TMEM132D: variants seen among roughly 807,000 people sequenced by gnomAD.
TMEM132D encodes the protein mature OL transmembrane protein.
In TMEM132D, 21 loss-of-function variants were observed where a neutral mutation model predicts 62.3. That is an observed-to-expected ratio of 0.34 (90% CI 0.24 to 0.49). The LOEUF is 0.49. TMEM132D is among the 20% of genes least tolerant of loss of function. The pLI, the probability that TMEM132D is intolerant of heterozygous loss-of-function variation, is 0.99. For missense variants in TMEM132D, 1,346 were observed against 1,402.8 expected (o/e 0.96, Z 0.65); for synonymous variants, 621 against 575.6 (o/e 1.08, Z -1.13).
chr12:129,189,821 G>C (rs907865320), intron 5 of TMEM132D, among the ~76,000 whole-genome samples: 12 of 152,164 alleles, frequency 7.9e-5, no homozygotes, highest in Non-Finnish European at 1.8e-4. Flanking sequence ...CATCCCTGCA[G>C]ACTGTGAATG....
At chr12:129,551,282 T>G (rs1407525085) in intron 2 of TMEM132D, among the ~76,000 whole-genome samples, 3 of 152,236 alleles carry the variant, frequency 2.0e-5, no homozygotes, top group Non-Finnish European at 4.4e-5. Context: ...GCATTAAGTT[T>G]GTGTGCTTTG....
At chr12:129,675,371 CG>C (rs1189864773) in intron 2 of TMEM132D, among the ~76,000 whole-genome samples, 4 of 77,678 alleles carry the variant, frequency 5.1e-5, no homozygotes, top group African/African-American at 1.5e-4. Flanking sequence ...CGGGGCCTGT[CG>C]GGGGGTGGGG....
rs143553993 is a variant in TMEM132D at position 129,604,615 on chromosome 12, G to T, written c.969-73410C>A. 1.4e-3 allele frequency among the ~76,000 whole-genome samples: 216 copies of T among 152,252 alleles called. 1 individual carries two copies. Among genetic ancestry groups the T allele is most frequent in the African/African-American group, 4.7e-3 (194 of 41,550 alleles). ...CCCAACTTTCCAGCCTCTGGTAATT[G>T]TTTTCAGTTGAATTAGAGAAGAAAA... On this transcript the variant is annotated intron_variant, in intron 2 of 8. Coordinates refer to ENST00000422113, the MANE Select transcript of TMEM132D (RefSeq NM_133448.3).
intron 5 of TMEM132D, among the ~76,000 whole-genome samples, chr12:129,200,019 G>T (rs747730031): frequency 6.6e-6 from 1 of 152,142 alleles, no homozygotes; most frequent in Non-Finnish European, 1.5e-5. Flanking sequence ...CAAATAGAAT[G>T]CCGTGATTAA....
chr12:129,172,726 G>A (rs1020272356), intron 5 of TMEM132D, among the ~76,000 whole-genome samples: 1 of 152,106 alleles, frequency 6.6e-6, no homozygotes, highest in African/African-American at 2.4e-5. Flanking sequence ...TTACAGGCAT[G>A]CACCACCACA....
At chr12:129,704,847 G>C (rs1331669058) in intron 1 of TMEM132D, among the ~76,000 whole-genome samples, 2 of 152,322 alleles carry the variant, frequency 1.3e-5, no homozygotes, top group African/African-American at 4.8e-5. Context: ...ACATACCTTT[G>C]AAGAGTATTT....
intron 2 of TMEM132D, among the ~76,000 whole-genome samples, chr12:129,650,621 G>A (rs779603775): frequency 1.4e-4 from 21 of 152,192 alleles, no homozygotes; most frequent in Middle Eastern, 3.2e-3. Context: ...AACAACTGGT[G>A]TTTCCAGGCT....
chr12:129,830,393 G>A (rs946822685), intron 1 of TMEM132D, among the ~76,000 whole-genome samples: 1 of 152,082 alleles, frequency 6.6e-6, no homozygotes, highest in African/African-American at 2.4e-5. Flanking sequence ...GGACAAACCT[G>A]CCTCTCATTC....
chr12:129,487,334 T>C (rs971342408), intron 3 of TMEM132D, among the ~76,000 whole-genome samples: 6 of 152,144 alleles, frequency 3.9e-5, no homozygotes, highest in Admixed American at 1.3e-4. Flanking sequence ...GCTTTCATAA[T>C]GAATGCAGTG....
chr12:129,081,361 C>T (rs754470806), intron 7 of TMEM132D, among the ~76,000 whole-genome samples: 12 of 152,160 alleles, frequency 7.9e-5, no homozygotes, highest in Non-Finnish European at 1.6e-4. Context: ...TGTAGTGGCA[C>T]GATCTCAGAT....
At chr12:129,270,039 G>A (rs559585268) in intron 4 of TMEM132D, among the ~76,000 whole-genome samples, 59 of 152,286 alleles carry the variant, frequency 3.9e-4, no homozygotes, top group Admixed American at 1.4e-3. Flanking sequence ...GCCGCAGGCC[G>A]AGGACGAAGG....
intron 2 of TMEM132D, among the ~76,000 whole-genome samples, chr12:129,556,434 T>C (rs557035071): frequency 6.6e-6 from 1 of 151,898 alleles, no homozygotes; most frequent in South Asian, 2.1e-4. Context: ...ACACTGGTTC[T>C]TATCATGTCT....
At chr12:129,161,148 T>C (rs560058095) in intron 5 of TMEM132D, among the ~76,000 whole-genome samples, 6 of 152,220 alleles carry the variant, frequency 3.9e-5, no homozygotes, top group Non-Finnish European at 8.8e-5. Flanking sequence ...CAAACCTGTA[T>C]GGAAACACAT....
At chr12:129,780,350 C>CGGGGG (rs71451333) in intron 1 of TMEM132D, among the ~76,000 whole-genome samples, 1 of 128,868 alleles carries the variant, frequency 7.8e-6, no homozygotes, top group Non-Finnish European at 1.7e-5. Context: ...GGGGGGGGGC[C>CGGGGG]GGGGGGGCAC....
chr12:129,227,853 G>GT (rs1393167070), intron 4 of TMEM132D, among the ~76,000 whole-genome samples: 2 of 152,026 alleles, frequency 1.3e-5, no homozygotes, highest in African/African-American at 2.4e-5. Context: ...GCGGTGTTTG[G>GT]TTTTTTGTCC....
At chr12:129,167,338 G>C (rs998010125) in intron 5 of TMEM132D, among the ~76,000 whole-genome samples, 1 of 152,094 alleles carries the variant, frequency 6.6e-6, no homozygotes, top group Non-Finnish European at 1.5e-5. Flanking sequence ...TAGCAGGAAG[G>C]GCAGAAACGT....
chr12:129,398,390 G>A (rs1871495825), intron 3 of TMEM132D, among the ~76,000 whole-genome samples: 1 of 152,178 alleles, frequency 6.6e-6, no homozygotes, highest in African/African-American at 2.4e-5. Flanking sequence ...AAACTGTAGG[G>A]AGCAGAGCAA....
intron 1 of TMEM132D, among the ~76,000 whole-genome samples, chr12:129,732,011 T>A (rs189056191): frequency 6.6e-6 from 1 of 152,158 alleles, no homozygotes; most frequent in East Asian, 1.9e-4. Context: ...AACAGCCCCA[T>A]GGGTTTTCAG....
rs188810543 is a variant in TMEM132D at position 129,252,754 on chromosome 12, C to T, written c.1300-43091G>A. 3.7e-3 allele frequency among the ~76,000 whole-genome samples: 558 copies of T among 152,078 alleles called. 2 individuals carry two copies. Among genetic ancestry groups the T allele is most frequent in the African/African-American group, 0.013 (535 of 41,472 alleles). On this transcript the variant is annotated intron_variant, in intron 4 of 8. Coordinates refer to ENST00000422113, the MANE Select transcript of TMEM132D (RefSeq NM_133448.3). ...GTCACATGCACACGTATGTTTATAG[C>T]GGCACTATTCACAATAGCAAAGACT...
Sources: allele counts gnomAD v4.1 joint callset (sites outside exome capture counted in the v4.1 genomes callset), GRCh38; gene constraint gnomAD v4.1.1; transcripts MANE v1.5; gene names NCBI Gene and HGNC (gene_info 2026-07-23, HGNC 2026-07-21).